Variants in PCDHGA11 observed in about 807,000 individuals in gnomAD.
PCDHGA11 encodes the protein protocadherin gamma subfamily A, 11.
A neutral mutation model predicts 60.4 loss-of-function variants in PCDHGA11; 39 were observed. The ratio of observed to expected loss-of-function variants is 0.65; its 90% confidence interval spans 0.50 to 0.84. PCDHGA11 has a LOEUF of 0.84. PCDHGA11 is among the 40% of genes least tolerant of loss of function. The pLI, the probability that PCDHGA11 is intolerant of heterozygous loss-of-function variation, is 0.00. For synonymous variants in PCDHGA11, 533 were observed against 510.3 expected, an observed-to-expected ratio of 1.04 and a Z score of -0.60; for missense variants, 1,165 against 1,197.7, an observed-to-expected ratio of 0.97 and a Z score of 0.40.
intron 1 of PCDHGA11, among the ~76,000 whole-genome samples, chr5:141,462,023 A>T (rs927945421): frequency 1.3e-5 from 2 of 152,112 alleles, no homozygotes; most frequent in African/African-American, 4.8e-5. Flanking sequence ...GGGTTTCTTC[A>T]TGTTGGTCAG....
chr5:141,479,679 T>A (rs1211872684), intron 1 of PCDHGA11: 1 of 152,258 alleles, frequency 6.6e-6, no homozygotes, highest in East Asian at 1.9e-4. Flanking sequence ...AAGGAGAGTC[T>A]TTTTGGTGCC....
In PCDHGA11 at chr5:141,487,568, C is replaced by T. The variant is rs752378906; in HGVS notation, c.2434-7239C>T. Reference sequence around the variant, plus strand: ...ACCCAGTGCACCTATGGCAGGGGAGCCTGTTCGCCCAAGCTGCCCACCCTC... The same window carrying T: ...ACCCAGTGCACCTATGGCAGGGGAGTCTGTTCGCCCAAGCTGCCCACCCTC... On this transcript the variant is annotated intron_variant, in intron 1 of 3. Transcript: ENST00000398587. This position sits in a 1 kb window ranked among gnomAD's most constrained non-coding sequence, Gnocchi z 5.0. The T allele has an allele frequency of 1.2e-6, 2 of 1,614,180 alleles. No individual in the cohort carries two copies. The highest frequency in any genetic ancestry group is 1.7e-6 in the Non-Finnish European group (2 of 1,180,042).
At position 141,491,381 on chromosome 5, in the gene PCDHGA11, C is replaced by CT. The variant is rs1554177905; in HGVS notation, c.2434-3426_2434-3425insT. The CT allele has an allele frequency of 2.8e-5, 45 of 1,614,068 alleles. No individual in the cohort carries two copies. Among genetic ancestry groups the CT allele is most frequent in the Non-Finnish European group, 3.5e-5 (41 of 1,179,950 alleles). On this transcript the variant is annotated intron_variant, in intron 1 of 3. Coordinates refer to ENST00000398587, the MANE Select transcript of PCDHGA11 (RefSeq NM_018914.3). This position sits in a 1 kb window ranked among gnomAD's most constrained non-coding sequence, Gnocchi z 6.9. ...CTAGTCACCTTCACCTTTCTGTCAG[C>CT]GAAGTGCCTTCAGGGAAACGCAGAC...
chr5:141,436,859 A>G (rs550974791), intron 1 of PCDHGA11, among the ~76,000 whole-genome samples: 7 of 152,250 alleles, frequency 4.6e-5, no homozygotes, highest in Non-Finnish European at 1.0e-4. Flanking sequence ...TTGAGAAGCC[A>G]CAGTTTTAGG....
At chr5:141,504,182 C>A (rs2099836345) in intron 2 of PCDHGA11, among the ~76,000 whole-genome samples, 1 of 152,234 alleles carries the variant, frequency 6.6e-6, no homozygotes, top group Non-Finnish European at 1.5e-5. Context: ...TCAAAAAAAT[C>A]ATGAAAATTG....
intron 1 of PCDHGA11, among the ~76,000 whole-genome samples, chr5:141,470,572 A>G (rs1349952470): frequency 6.6e-6 from 1 of 152,208 alleles, no homozygotes; most frequent in Non-Finnish European, 1.5e-5. Flanking sequence ...GCCAAGCAGG[A>G]TCAACTTCAT....
intron 1 of PCDHGA11, among the ~76,000 whole-genome samples, chr5:141,435,451 CTGTA>C: frequency 6.6e-6 from 1 of 152,258 alleles, no homozygotes; most frequent in Non-Finnish European, 1.5e-5. Context: ...AATACGATAT[CTGTA>C]TGTGTTTCCA....
chr5:141,439,212 T>G (rs1391791892), intron 1 of PCDHGA11, among the ~76,000 whole-genome samples: 1 of 150,642 alleles, frequency 6.6e-6, no homozygotes, highest in Non-Finnish European at 1.5e-5. Context: ...AAAATCCATA[T>G]GTGAAAATTC....
intron 1 of PCDHGA11, among the ~76,000 whole-genome samples, chr5:141,443,191 A>G (rs2098371862): frequency 6.6e-6 from 1 of 152,122 alleles, no homozygotes; most frequent in Non-Finnish European, 1.5e-5. Flanking sequence ...CATTCTCTAT[A>G]GTACAAAGAG....
chr5:141,444,900 T>C (rs997464788), intron 1 of PCDHGA11, among the ~76,000 whole-genome samples: 1 of 152,182 alleles, frequency 6.6e-6, no homozygotes, highest in Non-Finnish European at 1.5e-5. Context: ...TGGGATGGCA[T>C]TGCATCTATA....
rs1407225048 is a variant in PCDHGA11 at position 141,489,600 on chromosome 5, G to T, written c.2434-5207G>T. On this transcript the variant is annotated intron_variant, in intron 1 of 3. Coordinates refer to ENST00000398587, the MANE Select transcript of PCDHGA11 (RefSeq NM_018914.3). The surrounding 1 kb of genome is among the most constrained non-coding windows in gnomAD (Gnocchi z 4.5). ...ACCCCCTGGAGCTAATCCGTGTAGA[G>T]GTAGAGATCCTGGATCTCAATGACA... The T allele has an allele frequency of 7.4e-6, 12 of 1,613,916 alleles. 1 individual carries two copies. In the South Asian group the frequency reaches 1.2e-4, roughly 16 times the overall value.
chr5:141,455,448 C>T (rs1403500578), intron 1 of PCDHGA11, among the ~76,000 whole-genome samples: 1 of 152,112 alleles, frequency 6.6e-6, no homozygotes, highest in African/African-American at 2.4e-5. Context: ...CCATCTACCG[C>T]GGATACCAGC....
Position 141,475,871 on chromosome 5 carries a change from A to C in PCDHGA11, c.2434-18936A>C, listed in dbSNP as rs568810142. 35 of 513,270 alleles carry C rather than the reference A, an allele frequency of 6.8e-5. No individual in the cohort carries two copies. The East Asian group carries it at 1.1e-3, about 16-fold the overall frequency. The allele number at this position is 513,270 out of a possible 1,614,324, so 31.8% of individuals were successfully genotyped here. The stretch of plus-strand genomic sequence containing the variant: ...CCCGGCGCTAGCTCATTCTTCGTGC[A>C]GTTATTGGCTGGGACTCTGTGTGCC... On this transcript the variant is annotated intron_variant, in intron 1 of 3. Transcript: ENST00000398587.
At chr5:141,469,373 G>A (rs532041259) in intron 1 of PCDHGA11, among the ~76,000 whole-genome samples, 3 of 151,992 alleles carry the variant, frequency 2.0e-5, no homozygotes, top group South Asian at 2.1e-4. Context: ...TAAAGAGATC[G>A]AGACCATCCT....
rs1207977453 is a variant in PCDHGA11 at position 141,422,314 on chromosome 5, C to G, written c.1087C>G (p.Pro363Ala). ...SINSILENSP[P>A]GTVIALLNVQ... is the part of the protein sequence containing the mutation. ...TAATTCAATTCTGGAAAACTCTCCT[C>G]CAGGTACAGTGATTGCTCTTCTAAA... The change falls in exon 1 of 4, where the codon CCA becomes GCA. Residue 363 changes from proline to alanine, a missense_variant. Pro to Ala is a conservative substitution (Grantham distance 27). Coordinates refer to ENST00000398587, the MANE Select transcript of PCDHGA11 (RefSeq NM_018914.3). The G allele has an allele frequency of 1.3e-6, 2 of 1,547,838 alleles. No individual in the cohort carries two copies. Among genetic ancestry groups the G allele is most frequent in the Non-Finnish European group, 1.7e-6 (2 of 1,154,074 alleles).
chr5:141,450,948 C>T (rs1250110393), intron 1 of PCDHGA11, among the ~76,000 whole-genome samples: 2 of 151,870 alleles, frequency 1.3e-5, no homozygotes, highest in East Asian at 3.9e-4. Flanking sequence ...CCTCAGCCTC[C>T]CAAGTAGCTG....
In PCDHGA11 at chr5:141,423,335, G is replaced by T. The variant is rs781241820; in HGVS notation, c.2108G>T (p.Cys703Phe). 6.8e-6 allele frequency: 11 copies of T among 1,614,046 alleles called. No homozygotes were observed. Among genetic ancestry groups the T allele is most frequent in the Non-Finnish European group, 9.3e-6 (11 of 1,180,024 alleles). The part of the protein sequence containing the change: ...YLVVAVAAVS[C>F]IFLVFVIVLL... ...GTGGTGGCGGTGGCCGCAGTCTCCT[G>T]CATCTTCCTGGTCTTTGTCATCGTG... Residue 703 changes from cysteine to phenylalanine, a missense_variant, in exon 1 of 4, where the codon TGC (cysteine) becomes TTC (phenylalanine). Physicochemically the swap from Cys to Phe is radical, Grantham distance 205 (BLOSUM62 -2). Coordinates refer to ENST00000398587, the MANE Select transcript of PCDHGA11 (RefSeq NM_018914.3).
In PCDHGA11 at chr5:141,491,927, G is replaced by A. The variant is rs1314503730; in HGVS notation, c.2434-2880G>A. 3 of 1,309,982 alleles carry A rather than the reference G, an allele frequency of 2.3e-6. No individual in the cohort carries two copies. In the African/African-American group the frequency reaches 4.5e-5, roughly 20 times the overall value. 81.1% of individuals were successfully genotyped at this position (1,309,982 alleles called of 1,614,324 possible). A position where few individuals can be genotyped will look rare whatever the true frequency, so the allele number is the denominator to read the frequency against. On this transcript the variant is annotated intron_variant, in intron 1 of 3. Coordinates refer to ENST00000398587, the MANE Select transcript of PCDHGA11 (RefSeq NM_018914.3). The surrounding 1 kb of genome is among the most constrained non-coding windows in gnomAD (Gnocchi z 6.9). ...GTGGTGGCGACTGTGGGCGAGGGGAGGTGGGACCGACCCCCACCCCTACAC... is the reference window on the plus strand; with the variant it reads ...GTGGTGGCGACTGTGGGCGAGGGGAAGTGGGACCGACCCCCACCCCTACAC...
intron 1 of PCDHGA11, among the ~76,000 whole-genome samples, chr5:141,469,207 G>T (rs2099193654): frequency 6.6e-6 from 1 of 151,820 alleles, no homozygotes; most frequent in African/African-American, 2.4e-5. Flanking sequence ...GCCTTTTGAA[G>T]TTGAGGCTTC....
Sources: gnomAD v4.1 joint callset for allele counts (sites outside exome capture counted in the v4.1 genomes callset) on GRCh38, gnomAD v4.1.1 for gene constraint, Gnocchi (gnomAD v3.1) non-coding constraint, MANE v1.5 for transcripts, NCBI Gene and HGNC (gene_info 2026-07-23, HGNC 2026-07-21) for gene names.